Variants in CLIC5 observed in about 807,000 individuals in gnomAD.
The protein encoded by CLIC5 is CLIC family member 5.
In CLIC5, 20 loss-of-function variants were observed where a neutral mutation model predicts 24.7. That is an observed-to-expected ratio of 0.81 (90% CI 0.57 to 1.18). The LOEUF (loss-of-function observed/expected upper bound fraction) is 1.18, where lower values mean the gene tolerates loss of function less well. CLIC5 is among the 50% of genes most tolerant of loss of function. The pLI is 0.00. For synonymous variants in CLIC5, 159 were observed against 135.6 expected, an observed-to-expected ratio of 1.17 and a Z score of -1.20; for missense variants, 341 against 326.1, an observed-to-expected ratio of 1.05 and a Z score of -0.35.
At chr6:46,090,464 C>A in the CLIC5 span, among the ~76,000 whole-genome samples, 2 of 150,576 alleles carry the variant, frequency 1.3e-5, no homozygotes, top group African/African-American at 4.9e-5. Context: ...GCCTCAAATT[C>A]TAAACTTATG....
chr6:46,084,519 T>C (rs1762989394), upstream of CLIC5, among the ~76,000 whole-genome samples: 1 of 152,224 alleles, frequency 6.6e-6, no homozygotes, highest in Non-Finnish European at 1.5e-5. Flanking sequence ...ATTTTATTTC[T>C]CCTTCACTTG....
chr6:46,072,355 G>C (rs1762632211), intron 1 of CLIC5, among the ~76,000 whole-genome samples: 1 of 151,614 alleles, frequency 6.6e-6, no homozygotes. Flanking sequence ...CTGTGGTCAA[G>C]ATGACACTGA....
At chr6:45,974,518 T>TAGAG (rs1765317088) in intron 1 of CLIC5, among the ~76,000 whole-genome samples, 3 of 84,126 alleles carry the variant, frequency 3.6e-5, no homozygotes, top group Non-Finnish European at 6.8e-5. Flanking sequence ...TATATATATA[T>TAGAG]ATATAGAGAG....
chr6:45,979,265 A>G (rs1219073314), intron 1 of CLIC5, among the ~76,000 whole-genome samples: 1 of 152,198 alleles, frequency 6.6e-6, no homozygotes, highest in Admixed American at 6.5e-5. Context: ...CAATCTTCAA[A>G]GTTCAGGGGA....
chr6:45,916,561 C>T (rs1459156616), intron 4 of CLIC5, among the ~76,000 whole-genome samples: 3 of 152,104 alleles, frequency 2.0e-5, no homozygotes, highest in Admixed American at 6.5e-5. Flanking sequence ...AAGAGTCATA[C>T]GATAGGAGAT....
At chr6:46,005,243 T>G (rs1017737589) in intron 1 of CLIC5, among the ~76,000 whole-genome samples, 1 of 152,248 alleles carries the variant, frequency 6.6e-6, no homozygotes, top group Non-Finnish European at 1.5e-5. Flanking sequence ...CCTTCCCCTT[T>G]TGTGTTATTT....
At chr6:45,933,406 T>C (rs1763817196) in intron 4 of CLIC5, among the ~76,000 whole-genome samples, 1 of 152,244 alleles carries the variant, frequency 6.6e-6, no homozygotes, top group Non-Finnish European at 1.5e-5. Flanking sequence ...ATAATTTGAT[T>C]ATTTTCAATG....
At chr6:45,920,671 CCTTT>C in intron 4 of CLIC5, 1 of 980,094 alleles carries the variant, frequency 1.0e-6, no homozygotes, top group Non-Finnish European at 1.2e-6. Context: ...GAAGAAGAAG[CCTTT>C]CTTTCCACAG....
chr6:46,016,690 C>A (rs564411170), upstream of CLIC5, among the ~76,000 whole-genome samples: 1 of 152,260 alleles, frequency 6.6e-6, no homozygotes, highest in African/African-American at 2.4e-5. Context: ...ATGTAACGAG[C>A]GCCAGATGAA....
chr6:46,057,195 G>T (rs1483265318), intron 1 of CLIC5, among the ~76,000 whole-genome samples: 2 of 152,168 alleles, frequency 1.3e-5, no homozygotes, highest in East Asian at 1.9e-4. Flanking sequence ...AACTTTAATT[G>T]TATCCCCCAG....
At chr6:46,041,518 G>A (rs1386176531) in intron 1 of CLIC5, among the ~76,000 whole-genome samples, 7 of 152,188 alleles carry the variant, frequency 4.6e-5, no homozygotes, top group Middle Eastern at 3.4e-3. Context: ...CCAGTTCTTC[G>A]TTCCTCACTT....
At chr6:45,881,087 T>C (rs1762259242) in exon 7 of CLIC5, 2 of 398,366 alleles carry the variant, frequency 5.0e-6, no homozygotes. Flanking sequence ...GAAATTTCAG[T>C]AGAAAGAATC....
chr6:46,027,932 C>T (rs1182651854), intron 1 of CLIC5, among the ~76,000 whole-genome samples: 1 of 152,114 alleles, frequency 6.6e-6, no homozygotes, highest in Non-Finnish European at 1.5e-5. Context: ...TTCTTTTTTA[C>T]CTTGCTCTTT....
chr6:45,974,516 T>TAGAGAG (rs1765316244), intron 1 of CLIC5, among the ~76,000 whole-genome samples: 1 of 89,980 alleles, frequency 1.1e-5, no homozygotes, highest in African/African-American at 4.7e-5. Context: ...TATATATATA[T>TAGAGAG]ATATATAGAG....
chr6:45,949,179 G>A (rs769491014), intron 3 of CLIC5, 77 bp downstream of exon 3: 90 of 1,515,508 alleles, frequency 5.9e-5, no homozygotes, highest in Non-Finnish European at 7.4e-5. Context: ...GCATCTGCCC[G>A]AAGTTAACAC....
chr6:46,120,457 G>A, the CLIC5 span, among the ~76,000 whole-genome samples: 4 of 152,124 alleles, frequency 2.6e-5, no homozygotes, highest in African/African-American at 9.7e-5. Context: ...AAGACCAAAG[G>A]TAGATAAAGC....
At chr6:46,116,687 A>C in the CLIC5 span, among the ~76,000 whole-genome samples, 1 of 152,198 alleles carries the variant, frequency 6.6e-6, no homozygotes, top group Non-Finnish European at 1.5e-5. Context: ...GCAGAACTTA[A>C]ATTTTCTAGC....
At chr6:45,921,780 G>A (rs1042217409) in intron 4 of CLIC5, among the ~76,000 whole-genome samples, 3 of 152,146 alleles carry the variant, frequency 2.0e-5, no homozygotes, top group African/African-American at 7.2e-5. Context: ...GCATCTCTTT[G>A]GGTTTGGCTT....
At chr6:46,056,665 A>G (rs1209653009) in intron 1 of CLIC5, among the ~76,000 whole-genome samples, 1 of 152,192 alleles carries the variant, frequency 6.6e-6, no homozygotes, top group Non-Finnish European at 1.5e-5. Flanking sequence ...TACACCACAG[A>G]GACCAATGTT....
Sources: gnomAD v4.1 joint callset for allele counts (sites outside exome capture counted in the v4.1 genomes callset) on GRCh38, gnomAD v4.1.1 for gene constraint, MANE v1.5 for transcripts, NCBI Gene and HGNC (gene_info 2026-07-23, HGNC 2026-07-21) for gene names.